Variants in SMPDL3A observed in about 807,000 individuals in gnomAD.
SMPDL3A encodes cyclic GMP-AMP phosphodiesterase SMPDL3A.
A neutral mutation model predicts 38.5 loss-of-function variants in SMPDL3A; 39 were observed. The ratio of observed to expected loss-of-function variants is 1.01; its 90% CI spans 0.78 to 1.32. The LOEUF (loss-of-function observed/expected upper bound fraction) is 1.32, where lower values mean the gene tolerates loss of function less well. SMPDL3A is among the 40% of genes most tolerant of loss of function. The probability of loss-of-function intolerance (pLI) is 0.00; values close to 1 mark genes in which losing one functional copy is unlikely to be tolerated. For synonymous variants in SMPDL3A, 180 were observed against 194.3 expected (o/e 0.93, Z 0.61); for missense variants, 502 against 536.2 (o/e 0.94, Z 0.63).
At chr6:122,808,000 A>G (rs1781689647) in intron 7 of SMPDL3A, among the ~76,000 whole-genome samples, 1 of 152,170 alleles carries the variant, frequency 6.6e-6, no homozygotes, top group Admixed American at 6.5e-5. Flanking sequence ...TCCAATGTAT[A>G]TTTACGTGTG....
intron 1 of SMPDL3A, among the ~76,000 whole-genome samples, chr6:122,791,173 T>G (rs1304958948): frequency 6.6e-6 from 1 of 152,198 alleles, no homozygotes; most frequent in Non-Finnish European, 1.5e-5. Context: ...TTTGTGTTTT[T>G]GCGTTTAAAT....
At chr6:122,796,026 C>T in intron 2 of SMPDL3A, 136 bp downstream of exon 2, 1 of 666,136 alleles carries the variant, frequency 1.5e-6, no homozygotes, top group Non-Finnish European at 2.5e-6. Flanking sequence ...CTAGGTCAAA[C>T]TAATCAACAT....
At chr6:122,804,828 T>A in intron 5 of SMPDL3A, 81 bp from the exon 6 acceptor site, 2 of 1,159,986 alleles carry the variant, frequency 1.7e-6, no homozygotes, top group South Asian at 2.9e-5. Flanking sequence ...ATACTTTCAA[T>A]CTTGGGTATC....
intron 4 of SMPDL3A, among the ~76,000 whole-genome samples, chr6:122,803,113 A>G (rs1472937375): frequency 6.6e-6 from 1 of 151,354 alleles, no homozygotes; most frequent in African/African-American, 2.4e-5. Context: ...CCCAGCTCTG[A>G]AAGTGCCATT....
chr6:122,803,459 C>G (rs1340656363), intron 4 of SMPDL3A, among the ~76,000 whole-genome samples: 1 of 152,130 alleles, frequency 6.6e-6, no homozygotes, highest in Admixed American at 6.5e-5. Context: ...GAAGCGATAG[C>G]ACGGGGCCTG....
Position 122,789,367 on chromosome 6 carries a change from C to T in SMPDL3A, c.21C>T (p.Leu7=), listed in dbSNP as rs959421978. The T allele has an allele frequency of 5.2e-6, 8 of 1,547,838 alleles. No homozygotes were observed. The highest frequency in any genetic ancestry group is 5.2e-6 in the Non-Finnish European group (6 of 1,146,112). Residue 7 remains leucine, a synonymous_variant, in exon 1 of 8, where the codon CTC becomes CTT. Coordinates refer to ENST00000368440, the MANE Select transcript of SMPDL3A (RefSeq NM_006714.5). MALVRA[L]VCCLLTAWHC... ...CCTCCATGGCGCTGGTGCGCGCACT[C>T]GTCTGCTGCCTGCTGACTGCCTGGC...
chr6:122,804,051 G>C (rs1781517288), intron 5 of SMPDL3A, among the ~76,000 whole-genome samples: 1 of 150,976 alleles, frequency 6.6e-6, no homozygotes, highest in South Asian at 2.1e-4. Context: ...GCAATGGCGT[G>C]GTCTCGGCTC....
intron 1 of SMPDL3A, among the ~76,000 whole-genome samples, chr6:122,790,833 C>G (rs145578908): frequency 6.6e-6 from 1 of 152,228 alleles, no homozygotes; most frequent in Admixed American, 6.5e-5. Flanking sequence ...TTTAAAGAGG[C>G]CTGAATGAGC....
At chr6:122,808,601 CCCT>C (rs1562357627) in intron 7 of SMPDL3A, among the ~76,000 whole-genome samples, 3 of 53,112 alleles carry the variant, frequency 5.6e-5, no homozygotes, top group South Asian at 1.3e-3. Flanking sequence ...CTTCCTCCCT[CCCT>C]CCCTCCCTTC....
At chr6:122,803,441 A>G (rs577683040) in intron 4 of SMPDL3A, among the ~76,000 whole-genome samples, 4 of 152,186 alleles carry the variant, frequency 2.6e-5, no homozygotes, top group Admixed American at 1.3e-4. Context: ...TGTTATCTCA[A>G]TATGTTGGAA....
chr6:122,805,201 C>T (rs1357626374), intron 6 of SMPDL3A, 112 bp downstream of exon 6: 2 of 848,630 alleles, frequency 2.4e-6, no homozygotes, highest in African/African-American at 3.5e-5. Flanking sequence ...AAAAATCTGC[C>T]AGCATTAGCC....
chr6:122,789,325 C>T lies in SMPDL3A; in HGVS notation c.-22C>T, dbSNP rs1234837705. On this transcript the variant is annotated 5_prime_UTR_variant, in exon 1 of 8. Transcript: ENST00000368440. ...GGAGCTGCGGGACAGCCCGAACCTC[C>T]AGGTCAGCCCCGCGGCCCTCCATGG... The T allele has an allele frequency of 2.0e-6, 3 of 1,520,790 alleles. No homozygotes were observed. Among genetic ancestry groups the T allele is most frequent in the African/African-American group, 2.8e-5 (2 of 71,946 alleles). 94.2% of individuals were successfully genotyped at this position (1,520,790 alleles called of 1,614,324 possible).
chr6:122,792,640 T>C (rs74833633), intron 1 of SMPDL3A, among the ~76,000 whole-genome samples: 3,930 of 145,338 alleles, frequency 0.027, 171 homozygotes, highest in African/African-American at 0.093. Context: ...TTCTTCCCCT[T>C]TTTTTTTTTT....
chr6:122,805,113 C>T, intron 6 of SMPDL3A, 24 bp downstream of exon 6: 1 of 1,563,602 alleles, frequency 6.4e-7, no homozygotes, highest in Non-Finnish European at 8.7e-7. Flanking sequence ...GTGTTTGCAT[C>T]TCCCCAGTCT....
At chr6:122,791,472 A>G (rs1231840040) in intron 1 of SMPDL3A, among the ~76,000 whole-genome samples, 3 of 152,256 alleles carry the variant, frequency 2.0e-5, no homozygotes, top group African/African-American at 7.2e-5. Flanking sequence ...CAATCCCAGC[A>G]GCCATACTTC....
Position 122,805,109 on chromosome 6 carries a change from G to T in SMPDL3A, c.919+20G>T, listed in dbSNP as rs1234698797. On this transcript the variant is annotated intron_variant, in intron 6 of 7. Transcript: ENST00000368440. Reference sequence around the variant, plus strand: ...AAAAAGGTAATGTAATGCTGTGTTTGCATCTCCCCAGTCTAAGAGTCTAGA... The same window carrying T: ...AAAAAGGTAATGTAATGCTGTGTTTTCATCTCCCCAGTCTAAGAGTCTAGA... The T allele has an allele frequency of 1.3e-6, 2 of 1,573,720 alleles. No homozygotes were observed. Among genetic ancestry groups the T allele is most frequent in the African/African-American group, 2.7e-5 (2 of 73,352 alleles).
intron 6 of SMPDL3A, among the ~76,000 whole-genome samples, chr6:122,805,721 C>T (rs1781589427): frequency 6.6e-6 from 1 of 152,158 alleles, no homozygotes; most frequent in East Asian, 1.9e-4. Flanking sequence ...CTCCCTGGTT[C>T]AAGTGATTAT....
intron 1 of SMPDL3A, among the ~76,000 whole-genome samples, chr6:122,791,991 C>G (rs1781093803): frequency 6.6e-6 from 1 of 152,160 alleles, no homozygotes; most frequent in Non-Finnish European, 1.5e-5. Flanking sequence ...CCGCGCCCGA[C>G]TTGGAAATCT....
At chr6:122,798,348 A>G (rs374528656) in intron 3 of SMPDL3A, among the ~76,000 whole-genome samples, 4 of 152,184 alleles carry the variant, frequency 2.6e-5, no homozygotes, top group Non-Finnish European at 4.4e-5. Context: ...GGTCACACAC[A>G]TTGTGTTTAT....
Sources: allele counts gnomAD v4.1 joint callset (sites outside exome capture counted in the v4.1 genomes callset), GRCh38; gene constraint gnomAD v4.1.1; transcripts MANE v1.5; gene names NCBI Gene and HGNC (gene_info 2026-07-23, HGNC 2026-07-21).